Variants in MCTP2 observed in about 807,000 individuals in gnomAD.
MCTP2 encodes multiple C2 and transmembrane domain containing 2.
In MCTP2, 132 loss-of-function variants were observed where a neutral mutation model predicts 111.6. The observed-to-expected ratio is 1.18, with a 90% CI of 1.03 to 1.37. The LOEUF (loss-of-function observed/expected upper bound fraction) is 1.37. MCTP2 is among the 40% of genes most tolerant of loss of function. The probability of loss-of-function intolerance (pLI) is 0.00; values close to 1 mark genes in which losing one functional copy is unlikely to be tolerated. For missense variants in MCTP2, 1,183 were observed against 1,067.9 expected (o/e 1.11, Z -1.50); for synonymous variants, 395 against 387.7 (o/e 1.02, Z -0.22).
intron 1 of MCTP2, among the ~76,000 whole-genome samples, chr15:94,270,680 G>C (rs1232917189): frequency 6.6e-6 from 1 of 152,026 alleles, no homozygotes; most frequent in Non-Finnish European, 1.5e-5. Context: ...TATGTGAGAG[G>C]CTCTTTGGCT....
chr15:94,247,973 G>GT (rs2072139150), intron 1 of MCTP2, among the ~76,000 whole-genome samples: 1 of 152,190 alleles, frequency 6.6e-6, no homozygotes, highest in Non-Finnish European at 1.5e-5. Context: ...GGCACTTACA[G>GT]TATTGCAGGG....
intron 12 of MCTP2, among the ~76,000 whole-genome samples, chr15:94,381,654 C>G (rs991847954): frequency 6.6e-6 from 1 of 152,196 alleles, no homozygotes; most frequent in African/African-American, 2.4e-5. Context: ...GGAGGAGCAG[C>G]GCTGACACCT....
At chr15:94,469,582 T>TC (rs775808538) in intron 20 of MCTP2, among the ~76,000 whole-genome samples, 82 of 152,156 alleles carry the variant, frequency 5.4e-4, no homozygotes, top group Non-Finnish European at 9.9e-4. Flanking sequence ...AATACAGTCC[T>TC]CCCCATGGGG....
chr15:94,373,612 A>G (rs1166504050), intron 12 of MCTP2, among the ~76,000 whole-genome samples: 1 of 152,174 alleles, frequency 6.6e-6, no homozygotes, highest in Non-Finnish European at 1.5e-5. Flanking sequence ...AGTTTCTGAC[A>G]TTTGTGTACA....
Position 94,346,789 on chromosome 15 carries a change from AG to A in MCTP2, c.1005+1626del, listed in dbSNP as rs923185994. ...AATGGCCAAACGAATGATGGGGAGT[AG>A]AAAAAATGTTGACGGCCTGGGTGAA... On this transcript the variant is annotated intron_variant, in intron 8 of 22. Transcript: ENST00000357742. 1.2e-4 allele frequency among the ~76,000 whole-genome samples: 18 copies of A among 152,096 alleles called. 1 individual carries two copies. Among genetic ancestry groups the A allele is most frequent in the Middle Eastern group, 6.8e-3 (2 of 292 alleles).
chr15:94,349,275 CCAGAGGGA>C (rs1324910914), intron 8 of MCTP2, among the ~76,000 whole-genome samples: 2 of 152,134 alleles, frequency 1.3e-5, no homozygotes, highest in East Asian at 3.9e-4. Flanking sequence ...GTACTCCACA[CCAGAGGGA>C]CAGAGGGACT....
intron 17 of MCTP2, among the ~76,000 whole-genome samples, chr15:94,417,565 T>C (rs970746045): frequency 1.2e-4 from 19 of 152,162 alleles, no homozygotes; most frequent in African/African-American, 4.6e-4. Context: ...TCCTGAGCGC[T>C]GGTGATGTTT....
intron 7 of MCTP2, chr15:94,342,580 A>T (rs1009697126): frequency 3.3e-5 from 5 of 149,630 alleles, no homozygotes; most frequent in Non-Finnish European, 7.4e-5. Flanking sequence ...ATATATTTTT[A>T]TCCCCATATA....
chr15:94,306,471 C>T lies in MCTP2; in HGVS notation c.465+7741C>T, dbSNP rs544835209. 1.4e-4 allele frequency among the ~76,000 whole-genome samples: 21 copies of T among 152,142 alleles called. No individual in the cohort carries two copies. The South Asian group carries it at 3.1e-3, about 23-fold the overall frequency. On this transcript the variant is annotated intron_variant, in intron 2 of 22. Coordinates refer to ENST00000357742, the MANE Select transcript of MCTP2 (RefSeq NM_001385001.1). ...GGATTGTCTGAATCCTGGGACTGTG[C>T]GCAGAACTGTGGGTATAACATGAGT...
In MCTP2 at chr15:94,314,343, C is replaced by A; in HGVS notation, c.527C>A (p.Ser176Tyr). ...ACATCTCAACATTTTGAAGAACAAT[C>A]TGTGAGTGGCATTCCTTAAAAAGAA... Reference protein sequence around the residue: ...SMTSQHFEEQSVPGEASDGLS... With the variant: ...SMTSQHFEEQYVPGEASDGLS... The change falls in exon 3 of 23, where the codon TCT (serine) becomes TAT (tyrosine). Residue 176 changes from serine to tyrosine, a missense_variant and splice_region_variant. Ser to Tyr is a moderately radical substitution (Grantham distance 144, BLOSUM62 -2). Transcript: ENST00000357742. 6.3e-7 allele frequency: 1 copy of A among 1,590,820 alleles called. No homozygotes were observed. Among genetic ancestry groups the A allele is most frequent in the South Asian group, 1.1e-5 (1 of 89,406 alleles).
chr15:94,331,723 A>G (rs988120996), intron 4 of MCTP2, among the ~76,000 whole-genome samples: 1 of 152,138 alleles, frequency 6.6e-6, no homozygotes, highest in African/African-American at 2.4e-5. Flanking sequence ...AATTGCTTGG[A>G]GCTATTACAT....
chr15:94,345,993 A>G (rs570296924), intron 8 of MCTP2, among the ~76,000 whole-genome samples: 35 of 152,234 alleles, frequency 2.3e-4, no homozygotes, highest in African/African-American at 7.2e-4. Flanking sequence ...GCACACCCAC[A>G]TATATGTGCA....
Position 94,351,783 on chromosome 15 carries a change from T to G in MCTP2, c.1006-4354T>G, listed in dbSNP as rs2152418989. ...GGAGAATTATCCCGTGGGTATTGCT[T>G]GGCATCGTCAGTTCTGGAGTGCCAC... On this transcript the variant is annotated intron_variant, in intron 8 of 22. Transcript: ENST00000357742. 3.3e-5 allele frequency among the ~76,000 whole-genome samples: 5 copies of G among 152,342 alleles called. No individual in the cohort carries two copies. The Middle Eastern group carries it at 0.014, about 417-fold the overall frequency.
intron 20 of MCTP2, among the ~76,000 whole-genome samples, chr15:94,459,824 A>G (rs2085073937): frequency 6.6e-6 from 1 of 152,206 alleles, no homozygotes; most frequent in African/African-American, 2.4e-5. Context: ...TAGCAACACC[A>G]ACTGTTATCG....
intron 2 of MCTP2, among the ~76,000 whole-genome samples, chr15:94,307,831 T>C: frequency 6.6e-6 from 1 of 152,136 alleles, no homozygotes. Flanking sequence ...TCTGACTTTG[T>C]CCTGGTCACT....
chr15:94,291,754 T>G (rs552722565), intron 1 of MCTP2, among the ~76,000 whole-genome samples: 1 of 152,212 alleles, frequency 6.6e-6, no homozygotes. Flanking sequence ...ATATGTAGCC[T>G]TAAACCTTAT....
At chr15:94,417,522 C>T (rs1371531393) in intron 17 of MCTP2, among the ~76,000 whole-genome samples, 8 of 152,064 alleles carry the variant, frequency 5.3e-5, no homozygotes, top group East Asian at 1.9e-4. Flanking sequence ...TGTGTGTGTG[C>T]GCACATGTTT....
chr15:94,400,747 GT>G (rs1206158838), intron 16 of MCTP2, among the ~76,000 whole-genome samples: 2 of 151,664 alleles, frequency 1.3e-5, no homozygotes, highest in Non-Finnish European at 2.9e-5. Flanking sequence ...TTTTTCAAGA[GT>G]TTATTACTTC....
intron 12 of MCTP2, among the ~76,000 whole-genome samples, chr15:94,380,473 C>A (rs1298336224): frequency 6.6e-6 from 1 of 152,004 alleles, no homozygotes; most frequent in African/African-American, 2.4e-5. Flanking sequence ...GCTTAATAAA[C>A]GGTTATCAAA....
Sources: gnomAD v4.1 joint callset for allele counts (sites outside exome capture counted in the v4.1 genomes callset) on GRCh38, gnomAD v4.1.1 for gene constraint, MANE v1.5 for transcripts, NCBI Gene and HGNC (gene_info 2026-07-23, HGNC 2026-07-21) for gene names.